Variants in NUAK1 observed in about 807,000 individuals in gnomAD.
NUAK1 encodes the protein NUAK family kinase 1.
NUAK1 carries 26 observed loss-of-function variants against 56.9 expected under a neutral mutation model. That is an observed-to-expected ratio of 0.46 (90% CI 0.33 to 0.63). The LOEUF (loss-of-function observed/expected upper bound fraction) is 0.63, where lower values mean the gene tolerates loss of function less well. Ranked by LOEUF, NUAK1 falls within the 30% of genes least tolerant of loss-of-function variation. The pLI, the probability that NUAK1 is intolerant of heterozygous loss-of-function variation, is 0.02. For synonymous variants in NUAK1, 337 were observed against 336.0 expected (o/e 1.00, Z -0.03); for missense variants, 727 against 876.1 (o/e 0.83, Z 2.15).
intron 2 of NUAK1, among the ~76,000 whole-genome samples, chr12:106,092,549 T>C (rs1045300675): frequency 5.9e-5 from 9 of 152,102 alleles, no homozygotes; most frequent in African/African-American, 2.2e-4. Context: ...TAATTCAACA[T>C]GTTTGTGAGA....
intron 1 of NUAK1, among the ~76,000 whole-genome samples, chr12:106,134,615 T>C (rs973159667): frequency 7.9e-5 from 12 of 152,214 alleles, no homozygotes; most frequent in African/African-American, 4.8e-5. Context: ...CTTGGCCCCT[T>C]GACATCGAGG....
At chr12:106,070,999 C>T in intron 5 of NUAK1, 93 bp from the exon 6 acceptor site, 2 of 1,339,526 alleles carry the variant, frequency 1.5e-6, no homozygotes, top group Non-Finnish European at 1.0e-6. Flanking sequence ...GAGCAGCCAC[C>T]CCCAGCAGCC....
intron 4 of NUAK1, among the ~76,000 whole-genome samples, chr12:106,076,100 T>C (rs930660534): frequency 6.6e-6 from 1 of 152,170 alleles, no homozygotes; most frequent in African/African-American, 2.4e-5. Flanking sequence ...CAAAAATCCA[T>C]GAAAAGGATG....
chr12:106,075,814 C>A (rs1422614453), intron 4 of NUAK1, among the ~76,000 whole-genome samples: 1 of 152,258 alleles, frequency 6.6e-6, no homozygotes, highest in Non-Finnish European at 1.5e-5. Context: ...CAGTTGGGCA[C>A]TGGTGTGTCT....
In NUAK1 at chr12:106,097,115, T is replaced by G. The variant is rs200650574; in HGVS notation, c.361+9290A>C. On this transcript the variant is annotated intron_variant, in intron 2 of 6. Transcript: ENST00000261402. ...GCACGGTACTTAGCAATTTTATTCATTAGCTCATTTAATCCTACATTATCT... is the reference window on the plus strand; with the variant it reads ...GCACGGTACTTAGCAATTTTATTCAGTAGCTCATTTAATCCTACATTATCT... Among the ~76,000 whole-genome samples, 126 of 152,344 alleles carry G rather than the reference T, an allele frequency of 8.3e-4. 1 individual carries two copies. The East Asian group carries it at 0.017, about 20-fold the overall frequency.
intron 2 of NUAK1, among the ~76,000 whole-genome samples, chr12:106,105,228 C>T (rs973378026): frequency 6.6e-6 from 1 of 152,162 alleles, no homozygotes; most frequent in African/African-American, 2.4e-5. Context: ...GCCAGTATCA[C>T]AGGCATAAGC....
chr12:106,084,805 G>A (rs961285913), intron 3 of NUAK1, among the ~76,000 whole-genome samples: 56 of 152,194 alleles, frequency 3.7e-4, no homozygotes, highest in African/African-American at 1.4e-3. Context: ...GAAAGAACTG[G>A]CTATTTTGGG....
Position 106,067,382 on chromosome 12 carries a change from T to G in NUAK1, c.1406A>C (p.Lys469Thr), listed in dbSNP as rs759443668. ...SATMPKKGIL[K>T]KTQQRESGYY... ...ACCTGATTCTCTCTGCTGGGTCTTTTTCAAGATGCCTTTCTTGGGCATCGT... is the reference window on the plus strand; with the variant it reads ...ACCTGATTCTCTCTGCTGGGTCTTTGTCAAGATGCCTTTCTTGGGCATCGT... Residue 469 changes from lysine (K) to threonine (T), a missense_variant, in exon 7 of 7, where the codon AAA becomes ACA. Coordinates refer to ENST00000261402, the MANE Select transcript of NUAK1 (RefSeq NM_014840.3). The surrounding 1 kb of genome is among the most constrained non-coding windows in gnomAD (Gnocchi z 6.0). The G allele has an allele frequency of 1.2e-6, 2 of 1,614,176 alleles. No homozygotes were observed. The highest frequency in any genetic ancestry group is 1.7e-6 in the Non-Finnish European group (2 of 1,180,036).
chr12:106,131,905 A>G (rs115274852), intron 1 of NUAK1, among the ~76,000 whole-genome samples: 44 of 151,804 alleles, frequency 2.9e-4, no homozygotes, highest in African/African-American at 1.0e-3. Flanking sequence ...AGCCCCTCCT[A>G]CTCTGAGGCC....
rs372340813 is a variant in NUAK1, at chr12:106,066,933, G to C, written c.1855C>G (p.Arg619Gly). The part of the protein sequence containing the change: ...QIQDFEGLQN[R>G]PRPQYLKRYR... ...CGCTTCAGGTACTGGGGCCGGGGCC[G>C]GTTCTGGAGCCCCTCAAAGTCCTGG... is the stretch of plus-strand genomic sequence containing the variant. Residue 619 changes from arginine to glycine, a missense_variant, in exon 7 of 7, where the codon CGG (arginine) becomes GGG (glycine). Physicochemically the swap from Arg to Gly is moderately radical, Grantham distance 125 (BLOSUM62 -2). Coordinates refer to ENST00000261402, the MANE Select transcript of NUAK1 (RefSeq NM_014840.3). The C allele has an allele frequency of 1.2e-6, 2 of 1,614,094 alleles. No individual in the cohort carries two copies. The highest frequency in any genetic ancestry group is 1.7e-6 in the Non-Finnish European group (2 of 1,179,996).
chr12:106,113,065 G>C (rs1443844418), intron 1 of NUAK1, among the ~76,000 whole-genome samples: 1 of 152,204 alleles, frequency 6.6e-6, no homozygotes, highest in Non-Finnish European at 1.5e-5. Flanking sequence ...AGCTCAGGAG[G>C]ACCTCAGGGC....
intron 2 of NUAK1, among the ~76,000 whole-genome samples, chr12:106,092,378 C>T (rs915520955): frequency 5.9e-5 from 9 of 151,890 alleles, no homozygotes; most frequent in African/African-American, 1.9e-4. Flanking sequence ...ATTAGCTGGG[C>T]GTGGTAGTGG....
In NUAK1 at chr12:106,086,899, A is replaced by G. The variant is rs758167918; in HGVS notation, c.362-14T>C. On this transcript the variant is annotated splice_polypyrimidine_tract_variant and intron_variant, in intron 2 of 6. Coordinates refer to ENST00000261402, the MANE Select transcript of NUAK1 (RefSeq NM_014840.3). ...TGTTCTCAAACACTGCAGAGGGAAAACAGCAATACACAAACACCCCGTTTA... is the reference window on the plus strand; with the variant it reads ...TGTTCTCAAACACTGCAGAGGGAAAGCAGCAATACACAAACACCCCGTTTA... The G allele has an allele frequency of 6.2e-7, 1 of 1,605,492 alleles. No homozygotes were observed. The highest frequency in any genetic ancestry group is 2.2e-5 in the East Asian group (1 of 44,682).
At chr12:106,095,154 C>A (rs1320864605) in intron 2 of NUAK1, among the ~76,000 whole-genome samples, 1 of 152,158 alleles carries the variant, frequency 6.6e-6, no homozygotes, top group Non-Finnish European at 1.5e-5. Context: ...CACACACACA[C>A]CACTCTTTCT....
rs546664987 is a variant in NUAK1, at chr12:106,126,837, T to A, written c.240+11577A>T. 2.0e-5 allele frequency among the ~76,000 whole-genome samples: 3 copies of A among 152,186 alleles called. No homozygotes were observed. The East Asian group carries it at 5.8e-4, about 29-fold the overall frequency. ...ATCACTGCTAAAGCCTTGGGAAGAA[T>A]AAGTGGTGTCCACAGGGAGATCCTG... is the stretch of plus-strand genomic sequence containing the variant. On this transcript the variant is annotated intron_variant, in intron 1 of 6. Transcript: ENST00000261402.
chr12:106,093,694 G>A (rs2032660498), intron 2 of NUAK1, among the ~76,000 whole-genome samples: 1 of 152,246 alleles, frequency 6.6e-6, no homozygotes, highest in Non-Finnish European at 1.5e-5. Context: ...GGAAAGCAGA[G>A]AGGATGAGGA....
chr12:106,082,109 A>G (rs1421310593), intron 4 of NUAK1, among the ~76,000 whole-genome samples: 2 of 152,220 alleles, frequency 1.3e-5, no homozygotes, highest in Non-Finnish European at 2.9e-5. Context: ...AGTATTGTCT[A>G]AAATCTTCAC....
At chr12:106,113,225 A>G (rs557511524) in intron 1 of NUAK1, among the ~76,000 whole-genome samples, 2 of 152,286 alleles carry the variant, frequency 1.3e-5, no homozygotes, top group South Asian at 4.1e-4. Flanking sequence ...CCGTGGGCAG[A>G]TTCACACTCC....
intron 1 of NUAK1, among the ~76,000 whole-genome samples, chr12:106,128,563 A>T (rs2033046846): frequency 6.6e-6 from 1 of 152,236 alleles, no homozygotes; most frequent in African/African-American, 2.4e-5. Context: ...AAATGGCAGC[A>T]GCCAGCAAGG....
Sources: allele counts gnomAD v4.1 joint callset (sites outside exome capture counted in the v4.1 genomes callset), GRCh38; gene constraint gnomAD v4.1.1; non-coding constraint Gnocchi (gnomAD v3.1); transcripts MANE v1.5; gene names NCBI Gene and HGNC (gene_info 2026-07-23, HGNC 2026-07-21).